The following CCDC85A variants were observed in gnomAD, a reference collection of about 807,000 sequenced individuals.
CCDC85A encodes coiled-coil domain containing 85A, also known as coiled-coil domain-containing protein 85A.
A neutral mutation model predicts 50.2 loss-of-function variants in CCDC85A; 38 were observed. The ratio of observed to expected loss-of-function variants is 0.76; its 90% CI spans 0.58 to 0.99. The LOEUF is 0.99. CCDC85A is among the 50% of genes least tolerant of loss of function. CCDC85A has a pLI of 0.00. For missense variants in CCDC85A, 820 were observed against 742.0 expected (o/e 1.11, Z -1.22); for synonymous variants, 366 against 301.4 (o/e 1.21, Z -2.22).
At chr2:56,203,908 C>T (rs1676849118) in intron 2 of CCDC85A, among the ~76,000 whole-genome samples, 1 of 152,112 alleles carries the variant, frequency 6.6e-6, no homozygotes, top group African/African-American at 2.4e-5. Context: ...ATGTGATACA[C>T]CAACTTCCTA....
chr2:56,307,494 G>A (rs562918308), intron 2 of CCDC85A, among the ~76,000 whole-genome samples: 6 of 152,248 alleles, frequency 3.9e-5, no homozygotes, highest in African/African-American at 1.4e-4. Flanking sequence ...TGAGTAAATG[G>A]TTCTTTTTTG....
chr2:56,331,946 C>T (rs1024650731), intron 2 of CCDC85A, among the ~76,000 whole-genome samples: 2 of 152,194 alleles, frequency 1.3e-5, no homozygotes, highest in African/African-American at 2.4e-5. Context: ...GCCCCCTCCC[C>T]GCCCCCCAGG....
chr2:56,328,520 G>A (rs1573268716), intron 2 of CCDC85A, among the ~76,000 whole-genome samples: 1 of 152,194 alleles, frequency 6.6e-6, no homozygotes, highest in East Asian at 1.9e-4. Context: ...AACCAAGACT[G>A]CCGGTCTCTT....
At chr2:56,288,533 C>T (rs1361057538) in intron 2 of CCDC85A, among the ~76,000 whole-genome samples, 1 of 151,972 alleles carries the variant, frequency 6.6e-6, no homozygotes, top group African/African-American at 2.4e-5. Context: ...AAGAGTGTGT[C>T]TAATTAGGTA....
rs756802222 is a variant in CCDC85A at position 56,337,496 on chromosome 2, C to G, written c.1241-5383C>G. The stretch of plus-strand genomic sequence containing the variant: ...GGCCTCTCCTCCTGTACCTGCATGT[C>G]CCTTTCTTTTCCGTCATGTGATTCC... On this transcript the variant is annotated intron_variant, in intron 2 of 5. Coordinates refer to ENST00000407595, the MANE Select transcript of CCDC85A (RefSeq NM_001080433.2). Among the ~76,000 whole-genome samples, 124 of 152,134 alleles carry G rather than the reference C, an allele frequency of 8.2e-4. 2 individuals are homozygous for G. Among genetic ancestry groups the G allele is most frequent in the Admixed American group, 3.3e-4 (5 of 15,278 alleles).
At chr2:56,384,181 C>T (rs181951271) in intron 5 of CCDC85A, 85 bp from the exon 6 acceptor site, 1 of 1,175,376 alleles carries the variant, frequency 8.5e-7, no homozygotes, top group Non-Finnish European at 1.2e-6. Context: ...CATCTTCGCT[C>T]CTCTCTTAAT....
intron 2 of CCDC85A, among the ~76,000 whole-genome samples, chr2:56,214,599 A>G (rs1281537043): frequency 6.6e-6 from 1 of 151,932 alleles, no homozygotes. Context: ...GGGGAGCGGT[A>G]CAGATGGGCA....
chr2:56,225,349 A>T (rs189478597), intron 2 of CCDC85A, among the ~76,000 whole-genome samples: 14 of 152,160 alleles, frequency 9.2e-5, no homozygotes, highest in Middle Eastern at 3.4e-3. Flanking sequence ...TCACTTGAAC[A>T]CAGGAGGTGG....
chr2:56,313,106 T>G (rs1368656443), intron 2 of CCDC85A, among the ~76,000 whole-genome samples: 1 of 152,178 alleles, frequency 6.6e-6, no homozygotes, highest in Non-Finnish European at 1.5e-5. Context: ...TTATTATGTT[T>G]ATAGATGAGG....
chr2:56,320,909 G>A (rs543036063), intron 2 of CCDC85A, among the ~76,000 whole-genome samples: 5 of 152,160 alleles, frequency 3.3e-5, no homozygotes, highest in South Asian at 2.1e-4. Flanking sequence ...CTGGCAAACC[G>A]AATCCAGCAG....
chr2:56,295,380 G>C (rs1206410300), intron 2 of CCDC85A, among the ~76,000 whole-genome samples: 1 of 152,176 alleles, frequency 6.6e-6, no homozygotes, highest in Admixed American at 6.5e-5. Flanking sequence ...ATCTTCCATG[G>C]TGAGTTGACT....
intron 2 of CCDC85A, among the ~76,000 whole-genome samples, chr2:56,300,260 C>A (rs1672140426): frequency 6.6e-6 from 1 of 152,136 alleles, no homozygotes; most frequent in Non-Finnish European, 1.5e-5. Flanking sequence ...TAAGATGATC[C>A]TTAAGGGTAA....
intron 2 of CCDC85A, among the ~76,000 whole-genome samples, chr2:56,231,615 T>G (rs1002943652): frequency 6.6e-6 from 1 of 152,166 alleles, no homozygotes. Flanking sequence ...TATTTTTTTT[T>G]TTAACTGTAG....
chr2:56,236,929 C>T (rs1365927664), intron 2 of CCDC85A, among the ~76,000 whole-genome samples: 2 of 152,104 alleles, frequency 1.3e-5, no homozygotes, highest in African/African-American at 4.8e-5. Context: ...GGGCCCCTTC[C>T]CTGTAAGAAT....
intron 2 of CCDC85A, among the ~76,000 whole-genome samples, chr2:56,244,599 C>T (rs1161696136): frequency 1.3e-5 from 2 of 151,542 alleles, no homozygotes; most frequent in South Asian, 4.2e-4. Context: ...AAGACACAGT[C>T]TCCTCTGTTT....
At chr2:56,237,489 A>G (rs548119437) in intron 2 of CCDC85A, among the ~76,000 whole-genome samples, 5 of 152,250 alleles carry the variant, frequency 3.3e-5, no homozygotes, top group African/African-American at 4.8e-5. Context: ...AAGTAATAAC[A>G]ATAATCGCCA....
In CCDC85A at chr2:56,222,662, A is replaced by G. The variant is rs763224409; in HGVS notation, c.1240+29222A>G. ...TCTGTTTTCTTGGCACAGAATATTC[A>G]TGGGCATATCAGACACGTTTTCCCA... On this transcript the variant is annotated intron_variant, in intron 2 of 5. Transcript: ENST00000407595. Among the ~76,000 whole-genome samples, 7 of 152,282 alleles carry G rather than the reference A, an allele frequency of 4.6e-5. No homozygotes were observed. The South Asian group carries it at 1.0e-3, about 23-fold the overall frequency.
intron 2 of CCDC85A, among the ~76,000 whole-genome samples, chr2:56,208,682 T>C (rs535967657): frequency 6.6e-6 from 1 of 152,172 alleles, no homozygotes; most frequent in African/African-American, 2.4e-5. Flanking sequence ...TTCAGGCTAA[T>C]GTTTTTCAAG....
chr2:56,351,661 T>A (rs1290387063), intron 3 of CCDC85A, among the ~76,000 whole-genome samples: 3 of 146,458 alleles, frequency 2.0e-5, no homozygotes, highest in African/African-American at 7.8e-5. Context: ...TTTTGAGAAG[T>A]GTCTGTTCAT....
Sources: gnomAD v4.1 joint callset for allele counts (sites outside exome capture counted in the v4.1 genomes callset) on GRCh38, gnomAD v4.1.1 for gene constraint, MANE v1.5 for transcripts, NCBI Gene and HGNC (gene_info 2026-07-23, HGNC 2026-07-21) for gene names.